ATP10B: variants seen among roughly 807,000 people sequenced by gnomAD.
ATP10B encodes the protein phospholipid-transporting ATPase VB.
ATP10B carries 122 observed loss-of-function variants against 141.2 expected under a neutral mutation model. The ratio of observed to expected loss-of-function variants is 0.86; its 90% CI spans 0.75 to 1.00. The LOEUF is 1.00. ATP10B is among the 50% of genes least tolerant of loss of function. ATP10B has a pLI of 0.00. For synonymous variants in ATP10B, 685 were observed against 692.0 expected, an observed-to-expected ratio of 0.99 and a Z score of 0.16; for missense variants, 1,876 against 1,825.3, an observed-to-expected ratio of 1.03 and a Z score of -0.51.
At chr5:160,589,350 C>T (rs962839340) in intron 24 of ATP10B, among the ~76,000 whole-genome samples, 1 of 152,164 alleles carries the variant, frequency 6.6e-6, no homozygotes, top group African/African-American at 2.4e-5. Flanking sequence ...ATTTTTGCAA[C>T]TAATTGTCTC....
chr5:160,789,273 C>A (rs1771398850), intron 1 of ATP10B, among the ~76,000 whole-genome samples: 1 of 152,048 alleles, frequency 6.6e-6, no homozygotes, highest in African/African-American at 2.4e-5. Flanking sequence ...TACAGCCATG[C>A]AACAAGGGAT....
the ATP10B span, among the ~76,000 whole-genome samples, chr5:160,900,167 C>T: frequency 3.9e-4 from 59 of 152,302 alleles, no homozygotes; most frequent in African/African-American, 1.2e-3. Flanking sequence ...CCCAGCCTTC[C>T]CCCAACTACT....
chr5:160,595,167 A>G (rs774472944), intron 22 of ATP10B, among the ~76,000 whole-genome samples: 75 of 152,352 alleles, frequency 4.9e-4, no homozygotes, highest in Non-Finnish European at 9.0e-4. Context: ...CAAATGTAAA[A>G]GAACAGAAAT....
chr5:160,602,020 C>G (rs897874602), intron 21 of ATP10B, among the ~76,000 whole-genome samples: 2 of 152,132 alleles, frequency 1.3e-5, no homozygotes, highest in Non-Finnish European at 2.9e-5. Flanking sequence ...CAGAGGAAAT[C>G]TGATACAGTT....
At chr5:160,793,991 AG>A (rs1420912965) in intron 1 of ATP10B, among the ~76,000 whole-genome samples, 1 of 152,252 alleles carries the variant, frequency 6.6e-6, no homozygotes, top group Non-Finnish European at 1.5e-5. Flanking sequence ...GGTTTGTGTA[AG>A]TACACTCTGT....
intron 1 of ATP10B, among the ~76,000 whole-genome samples, chr5:160,805,163 G>T (rs1021938430): frequency 3.9e-5 from 6 of 152,130 alleles, no homozygotes; most frequent in Non-Finnish European, 7.3e-5. Context: ...CTCCTTGTTG[G>T]AGAAAGAAGA....
chr5:160,652,917 A>AATG (rs1760942465), intron 7 of ATP10B, among the ~76,000 whole-genome samples: 1 of 81,664 alleles, frequency 1.2e-5, no homozygotes, highest in Non-Finnish European at 2.1e-5. Flanking sequence ...ATACATGTAT[A>AATG]TATAATATAT....
chr5:160,812,059 AGGGAGAGG>A (rs1561880196), intron 1 of ATP10B, among the ~76,000 whole-genome samples: 27 of 144,730 alleles, frequency 1.9e-4, no homozygotes, highest in African/African-American at 6.7e-4. Context: ...AGAGAGAGAG[AGGGAGAGG>A]GAGAGAGATT....
chr5:160,817,742 T>C (rs907682416), intron 1 of ATP10B, among the ~76,000 whole-genome samples: 3 of 152,048 alleles, frequency 2.0e-5, no homozygotes, highest in East Asian at 1.9e-4. Context: ...TACCTGACTT[T>C]AAACTATACT....
At chr5:160,744,443 G>T (rs1350381710) in intron 2 of ATP10B, among the ~76,000 whole-genome samples, 1 of 152,194 alleles carries the variant, frequency 6.6e-6, no homozygotes, top group African/African-American at 2.4e-5. Context: ...AGTTCCCAGA[G>T]CCCAGGGTTC....
intron 1 of ATP10B, among the ~76,000 whole-genome samples, chr5:160,794,945 G>A (rs566544120): frequency 1.3e-3 from 201 of 152,208 alleles, no homozygotes; most frequent in Non-Finnish European, 2.1e-3. Flanking sequence ...ACAAATGCAA[G>A]AAATGCATTT....
At chr5:160,664,576 T>C (rs2127718175) in intron 7 of ATP10B, among the ~76,000 whole-genome samples, 2 of 152,348 alleles carry the variant, frequency 1.3e-5, no homozygotes, top group Middle Eastern at 3.4e-3. Context: ...CAAACTTTCA[T>C]GTACACATGA....
intron 2 of ATP10B, among the ~76,000 whole-genome samples, chr5:160,741,360 G>A (rs1217838133): frequency 3.3e-5 from 5 of 152,200 alleles, no homozygotes; most frequent in Non-Finnish European, 5.9e-5. Context: ...TCCAAAAGGA[G>A]GATGGGATCA....
chr5:160,865,251 G>C, the ATP10B span, among the ~76,000 whole-genome samples: 1 of 152,082 alleles, frequency 6.6e-6, no homozygotes, highest in East Asian at 1.9e-4. Flanking sequence ...AGAGAATAGA[G>C]AACCCAGAAA....
chr5:160,830,600 T>C (rs1775000779), intron 1 of ATP10B, among the ~76,000 whole-genome samples: 1 of 152,114 alleles, frequency 6.6e-6, no homozygotes, highest in Non-Finnish European at 1.5e-5. Context: ...GAAAACACTG[T>C]TGATTTCATG....
Position 160,687,915 on chromosome 5 carries a change from T to C in ATP10B, c.160A>G (p.Ile54Val), listed in dbSNP as rs201571167. 1.2e-6 allele frequency: 2 copies of C among 1,614,144 alleles called. No individual in the cohort carries two copies. The highest frequency in any genetic ancestry group is 1.7e-6 in the Non-Finnish European group (2 of 1,180,022). The change falls in exon 5 of 26, where the codon ATA becomes GTA. Residue 54 changes from isoleucine (I) to valine (V), a missense_variant. Coordinates refer to ENST00000327245, the MANE Select transcript of ATP10B (RefSeq NM_025153.3). ...ACCTCTTCCCAATCTTGATGGAATA[T>C]GCTGTTGTTGGGGAACACGACCCGC... The part of the protein sequence containing the change: ...QQRVVFPNNS[I>V]FHQDWEEVSR...
chr5:160,831,013 A>G (rs1438524687), intron 1 of ATP10B, among the ~76,000 whole-genome samples: 1 of 151,284 alleles, frequency 6.6e-6, no homozygotes, highest in Non-Finnish European at 1.5e-5. Flanking sequence ...TGGACAGAAT[A>G]GTGTAGTGGT....
At chr5:160,923,730 TTGTC>T in the ATP10B span, among the ~76,000 whole-genome samples, 1 of 152,356 alleles carries the variant, frequency 6.6e-6, no homozygotes, top group Admixed American at 6.5e-5. Context: ...GACCACTGTT[TTGTC>T]TGTGTTTGTA....
intron 8 of ATP10B, among the ~76,000 whole-genome samples, chr5:160,647,175 C>T (rs1760347725): frequency 6.6e-6 from 1 of 151,954 alleles, no homozygotes; most frequent in African/African-American, 2.4e-5. Flanking sequence ...AGCTGTTGAT[C>T]TTCTAGCCAG....
Sources: gnomAD v4.1 joint callset for allele counts (sites outside exome capture counted in the v4.1 genomes callset) on GRCh38, gnomAD v4.1.1 for gene constraint, MANE v1.5 for transcripts, NCBI Gene and HGNC (gene_info 2026-07-23, HGNC 2026-07-21) for gene names.